Variants in SERPINB5 observed in about 807,000 individuals in gnomAD.
SERPINB5 encodes serpin family B member 5.
In SERPINB5, 27 loss-of-function variants were observed where a neutral mutation model predicts 32.2. The ratio of observed to expected loss-of-function variants is 0.84; its 90% confidence interval spans 0.62 to 1.16. The LOEUF (loss-of-function observed/expected upper bound fraction) is 1.16, where lower values mean the gene tolerates loss of function less well. Among genes scored for constraint, SERPINB5 ranks in the 50% most tolerant of loss-of-function variants. The pLI is 0.00. For synonymous variants in SERPINB5, 154 were observed against 157.4 expected, an observed-to-expected ratio of 0.98 and a Z score of 0.16; for missense variants, 388 against 436.3, an observed-to-expected ratio of 0.89 and a Z score of 0.99.
intron 1 of SERPINB5, among the ~76,000 whole-genome samples, chr18:63,479,424 T>C (rs758319563): frequency 2.8e-4 from 43 of 152,188 alleles, no homozygotes; most frequent in Non-Finnish European, 1.2e-4. Flanking sequence ...AGCACGGCCC[T>C]ACCCCCAGCC....
intron 4 of SERPINB5, chr18:63,490,604 G>A (rs2332751): frequency 0.72 from 108,952 of 151,944 alleles, 39,643 homozygotes; most frequent in African/African-American, 0.84. Flanking sequence ...GAGAATGACT[G>A]GCGCCCCCAG....
chr18:63,504,262 T>C lies in SERPINB5; in HGVS notation c.*540T>C, dbSNP rs1909635255. 6.5e-6 allele frequency: 1 copy of C among 153,414 alleles called. No individual in the cohort carries two copies. The highest frequency in any genetic ancestry group is 2.4e-5 in the African/African-American group (1 of 41,466). The allele number at this position is 153,414 out of a possible 1,614,324, so 9.5% of individuals were successfully genotyped here. On this transcript the variant is annotated 3_prime_UTR_variant, in exon 7 of 7. Transcript: ENST00000382771. ...TTAAGCCCTGGCAGGCAGGTGTTTA[T>C]TAAAATTCTGAATTTTGGGGATTTT...
chr18:63,478,764 T>C (rs1455966904), intron 1 of SERPINB5, among the ~76,000 whole-genome samples: 1 of 150,998 alleles, frequency 6.6e-6, no homozygotes, highest in Non-Finnish European at 1.5e-5. Flanking sequence ...CGTAGTTTTT[T>C]TTTTTTTTTT....
chr18:63,502,931 C>T (rs184518033), intron 6 of SERPINB5, among the ~76,000 whole-genome samples: 21 of 151,932 alleles, frequency 1.4e-4, no homozygotes, highest in African/African-American at 4.6e-4. Context: ...GGCTGAGGCA[C>T]GAGAATTGCT....
At chr18:63,477,450 C>G (rs926725212) in intron 1 of SERPINB5, among the ~76,000 whole-genome samples, 2 of 152,106 alleles carry the variant, frequency 1.3e-5, no homozygotes, top group African/African-American at 4.8e-5. Context: ...GTGTGGTACC[C>G]GCAAACTGGG....
At chr18:63,483,976 T>C (rs1015412696) in intron 1 of SERPINB5, among the ~76,000 whole-genome samples, 4 of 152,266 alleles carry the variant, frequency 2.6e-5, no homozygotes, top group Non-Finnish European at 4.4e-5. Flanking sequence ...ACTTACTAAA[T>C]ATTAAACTGA....
chr18:63,487,788 G>C (rs1420770616), intron 3 of SERPINB5, among the ~76,000 whole-genome samples: 4 of 152,124 alleles, frequency 2.6e-5, no homozygotes, highest in African/African-American at 4.8e-5. Flanking sequence ...CAGTAACACA[G>C]AGTTGATTTA....
chr18:63,497,426 C>A, intron 5 of SERPINB5: 2 of 925,950 alleles, frequency 2.2e-6, no homozygotes, highest in South Asian at 1.3e-5. Context: ...ACCTGCCTGT[C>A]CCTGCTGCTG....
chr18:63,492,122 A>G (rs1909353717), intron 4 of SERPINB5, among the ~76,000 whole-genome samples: 1 of 152,230 alleles, frequency 6.6e-6, no homozygotes, highest in Non-Finnish European at 1.5e-5. Context: ...CTTTATAAAA[A>G]ACCTGTGGGC....
At chr18:63,497,541 G>T (rs1167776346) in intron 5 of SERPINB5, 2 of 403,034 alleles carry the variant, frequency 5.0e-6, no homozygotes, top group Non-Finnish European at 9.1e-6. Flanking sequence ...GGAGCTCAAA[G>T]GGACTTAGAG....
rs35377797 is a variant in SERPINB5, at chr18:63,503,883, C to CTT, written c.*172_*173dup. 8,097 of 515,700 alleles carry CTT rather than the reference C, an allele frequency of 0.016. No homozygotes were observed. Among genetic ancestry groups the CTT allele is most frequent in the Non-Finnish European group, 0.018 (5,458 of 296,946 alleles). The allele number at this position is 515,700 out of a possible 1,614,324, so 31.9% of individuals were successfully genotyped here. ...ATATGTAGCCTTCACACAGATAGACCTTTTTTTTTTTTCCAATTCTATCTT... is the reference window on the plus strand; with the variant it reads ...ATATGTAGCCTTCACACAGATAGACCTTTTTTTTTTTTTTCCAATTCTATCTT... On this transcript the variant is annotated 3_prime_UTR_variant, in exon 7 of 7. Transcript: ENST00000382771.
In SERPINB5 at chr18:63,493,021, G is replaced by C; in HGVS notation, c.493G>C (p.Ala165Pro). Residue 165 changes from alanine (A) to proline (P), a missense_variant, in exon 5 of 7, where the codon GCC (alanine) becomes CCC (proline). Ala to Pro is a conservative substitution (Grantham distance 27). Coordinates refer to ENST00000382771, the MANE Select transcript of SERPINB5 (RefSeq NM_002639.5). ...GACCAAAATCCTTGTGGTTAATGCT[G>C]CCTACTTTGTTGGCAAGTGGATGAA... ...DQTKILVVNA[A>P]YFVGKWMKKF... The C allele has an allele frequency of 6.2e-7, 1 of 1,614,202 alleles. No homozygotes were observed. Among genetic ancestry groups the C allele is most frequent in the Non-Finnish European group, 8.5e-7 (1 of 1,180,046 alleles).
chr18:63,499,426 A>G (rs1164954053), intron 6 of SERPINB5, 139 bp downstream of exon 6: 2 of 657,204 alleles, frequency 3.0e-6, no homozygotes, highest in East Asian at 3.3e-5. Flanking sequence ...CCAAGGACCC[A>G]TGGTTCTTTC....
rs185313231 is a variant in SERPINB5 at position 63,495,824 on chromosome 18, A to C, written c.567+2729A>C. Reference sequence around the variant, plus strand: ...CAGTGTTTCACTTGATAAAGCAATAAAATGCTATTCACAGCTGCATGAGGC... The same window carrying C: ...CAGTGTTTCACTTGATAAAGCAATACAATGCTATTCACAGCTGCATGAGGC... On this transcript the variant is annotated intron_variant, in intron 5 of 6. Transcript: ENST00000382771. Among the ~76,000 whole-genome samples the C allele has an allele frequency of 1.7e-4, 26 of 152,342 alleles. No individual in the cohort carries two copies. The East Asian group carries it at 5.0e-3, about 29-fold the overall frequency.
intron 3 of SERPINB5, among the ~76,000 whole-genome samples, chr18:63,489,082 C>A (rs1917258494): frequency 6.6e-6 from 1 of 152,084 alleles, no homozygotes; most frequent in Non-Finnish European, 1.5e-5. Context: ...GAGAATTGGG[C>A]ATATTTAACA....
chr18:63,491,734 CAA>C (rs1909342923), intron 4 of SERPINB5, among the ~76,000 whole-genome samples: 1 of 152,090 alleles, frequency 6.6e-6, no homozygotes, highest in Non-Finnish European at 1.5e-5. Flanking sequence ...CTCAGCCTCC[CAA>C]AGTGCTGGGA....
chr18:63,491,507 C>G (rs1909337971), intron 4 of SERPINB5, among the ~76,000 whole-genome samples: 1 of 144,926 alleles, frequency 6.9e-6, no homozygotes, highest in Admixed American at 6.9e-5. Flanking sequence ...TAGAATGTTG[C>G]TCTGTCGCCC....
chr18:63,498,605 A>G lies in SERPINB5; in HGVS notation c.568-515A>G, dbSNP rs1424920773. Among the ~76,000 whole-genome samples, 4 of 152,184 alleles carry G rather than the reference A, an allele frequency of 2.6e-5. No homozygotes were observed. The highest frequency in any genetic ancestry group is 4.8e-5 in the African/African-American group (2 of 41,436). Reference sequence around the variant, plus strand: ...ACTTCATGTAATGTGTAACATGTAGATTATAAAGTATATGAATAACTTTTC... The same window carrying G: ...ACTTCATGTAATGTGTAACATGTAGGTTATAAAGTATATGAATAACTTTTC... On this transcript the variant is annotated intron_variant, in intron 5 of 6. Coordinates refer to ENST00000382771, the MANE Select transcript of SERPINB5 (RefSeq NM_002639.5). This position sits in a 1 kb window ranked among gnomAD's most constrained non-coding sequence, Gnocchi z 4.2.
intron 1 of SERPINB5, among the ~76,000 whole-genome samples, chr18:63,484,115 C>A (rs866835315): frequency 2.0e-5 from 3 of 152,230 alleles, no homozygotes; most frequent in African/African-American, 7.2e-5. Flanking sequence ...GTGCTGTCAA[C>A]TTTTCTGACA....
Sources: gnomAD v4.1 joint callset for allele counts (sites outside exome capture counted in the v4.1 genomes callset) on GRCh38, gnomAD v4.1.1 for gene constraint, Gnocchi (gnomAD v3.1) non-coding constraint, MANE v1.5 for transcripts, NCBI Gene and HGNC (gene_info 2026-07-23, HGNC 2026-07-21) for gene names.